Variants in DENND2A observed in about 807,000 individuals in gnomAD.
DENND2A encodes the protein DENN domain containing 2A, also known as DENN domain-containing protein 2A.
A neutral mutation model predicts 105.3 loss-of-function variants in DENND2A; 53 were observed. That is an observed-to-expected ratio of 0.50 (90% CI 0.40 to 0.63). The LOEUF is 0.63. Ranked by LOEUF, DENND2A falls within the 30% of genes least tolerant of loss-of-function variation. The probability of loss-of-function intolerance (pLI) is 0.00; values close to 1 mark genes in which losing one functional copy is unlikely to be tolerated. For synonymous variants in DENND2A, 522 were observed against 508.4 expected (o/e 1.03, Z -0.36); for missense variants, 1,138 against 1,279.6 (o/e 0.89, Z 1.69).
At chr7:140,619,665 A>G (rs917786376) in intron 1 of DENND2A, among the ~76,000 whole-genome samples, 5 of 151,810 alleles carry the variant, frequency 3.3e-5, no homozygotes, top group Admixed American at 6.6e-5. Flanking sequence ...ATGCCCAGCT[A>G]ATTTTTGTAT....
At chr7:140,575,302 G>T (rs1798255637) in intron 5 of DENND2A, among the ~76,000 whole-genome samples, 1 of 152,106 alleles carries the variant, frequency 6.6e-6, no homozygotes, top group South Asian at 2.1e-4. Flanking sequence ...TCAGAGATAA[G>T]AAAATTTGAT....
At chr7:140,591,673 CTT>C (rs1491448318) in intron 3 of DENND2A, among the ~76,000 whole-genome samples, 1 of 135,840 alleles carries the variant, frequency 7.4e-6, no homozygotes, top group East Asian at 2.0e-4. Context: ...CTTTCTTTCT[CTT>C]TCTTTCTTTC....
Position 140,573,947 on chromosome 7 carries a change from A to G in DENND2A, c.1307T>C (p.Leu436Pro), listed in dbSNP as rs200365236. 2.2e-4 allele frequency: 359 copies of G among 1,614,204 alleles called. 1 individual carries two copies. In the Admixed American group the frequency reaches 5.8e-3, roughly 26 times the overall value. Residue 436 changes from leucine to proline, a missense_variant, in exon 6 of 20, where the codon CTG (leucine) becomes CCG (proline). Transcript: ENST00000496613. ...QNSERRNFKL[L>P]DTRKLSRDGT... ...ATCCCGACTCAGCTTCCTAGTGTCC[A>G]GCAGCTTGAAGTTCCTCCTCTCTGA...
intron 18 of DENND2A, among the ~76,000 whole-genome samples, chr7:140,521,559 G>C (rs986380759): frequency 2.0e-5 from 3 of 152,232 alleles, no homozygotes; most frequent in Non-Finnish European, 4.4e-5. Context: ...TTATAGGCGT[G>C]AGTCACCCAC....
At chr7:140,624,603 T>C (rs867802543) in intron 1 of DENND2A, among the ~76,000 whole-genome samples, 2 of 152,260 alleles carry the variant, frequency 1.3e-5, no homozygotes, top group Middle Eastern at 3.4e-3. Flanking sequence ...CTCACCCTCC[T>C]TTCCATTGCC....
intron 6 of DENND2A, 94 bp from the exon 7 acceptor site, chr7:140,569,832 G>A: frequency 2.5e-6 from 2 of 801,812 alleles, no homozygotes; most frequent in East Asian, 2.4e-5. Context: ...GGACGATGGA[G>A]GGCCAGGGCC....
chr7:140,555,804 C>A, intron 11 of DENND2A, 91 bp from the exon 12 acceptor site: 1 of 1,035,756 alleles, frequency 9.7e-7, no homozygotes, highest in Non-Finnish European at 1.4e-6. Flanking sequence ...TATCATGTGC[C>A]AGATGTTTCC....
intron 5 of DENND2A, among the ~76,000 whole-genome samples, chr7:140,578,274 G>C (rs963886905): frequency 5.3e-5 from 8 of 152,128 alleles, no homozygotes; most frequent in African/African-American, 1.7e-4. Flanking sequence ...CATCAGAGGG[G>C]GCCAAGCTGG....
At position 140,637,130 on chromosome 7, in the gene DENND2A, G is replaced by A. The variant is rs565485863; in HGVS notation, c.-248+3374C>T. Among the ~76,000 whole-genome samples the A allele has an allele frequency of 2.7e-3, 402 of 147,208 alleles. 1 individual carries two copies. Among genetic ancestry groups the A allele is most frequent in the Non-Finnish European group, 3.9e-3 (256 of 65,704 alleles). ...CTCCCAAAGCGTTGGGATTACAGGC[G>A]TAGGCCACTGTGCCTGGCCAATTTC... On this transcript the variant is annotated intron_variant, in intron 1 of 19. Coordinates refer to ENST00000496613, the MANE Select transcript of DENND2A (RefSeq NM_015689.5).
intron 9 of DENND2A, 137 bp downstream of exon 9, chr7:140,566,949 T>G: frequency 2.8e-6 from 2 of 711,794 alleles, no homozygotes; most frequent in South Asian, 5.8e-5. Context: ...TCATCTGATA[T>G]ACCCTAATTA....
intron 5 of DENND2A, among the ~76,000 whole-genome samples, chr7:140,577,148 G>A (rs1471713791): frequency 6.6e-6 from 1 of 152,120 alleles, no homozygotes; most frequent in Non-Finnish European, 1.5e-5. Context: ...TGATGCGGTG[G>A]GATTTCAGTA....
intron 1 of DENND2A, among the ~76,000 whole-genome samples, chr7:140,637,288 A>G (rs1800981311): frequency 6.6e-6 from 1 of 152,242 alleles, no homozygotes; most frequent in Admixed American, 6.5e-5. Context: ...TTGGAGGGGT[A>G]GAATCCCACT....
chr7:140,618,130 A>G (rs368169335), intron 1 of DENND2A, among the ~76,000 whole-genome samples: 3 of 152,354 alleles, frequency 2.0e-5, no homozygotes, highest in African/African-American at 7.2e-5. Context: ...TTAATGCTCA[A>G]TAACTGCCAG....
rs1357602479 is a variant in DENND2A at position 140,640,747 on chromosome 7, CG to C, written c.-492del. 13 of 150,100 alleles carry C rather than the reference CG, an allele frequency of 8.7e-5. No homozygotes were observed. The highest frequency in any genetic ancestry group is 1.8e-4 in the Non-Finnish European group (12 of 67,398). The allele number at this position is 150,100 out of a possible 1,614,324, so 9.3% of individuals were successfully genotyped here. On this transcript the variant is annotated 5_prime_UTR_variant, in exon 1 of 20. Coordinates refer to ENST00000496613, the MANE Select transcript of DENND2A (RefSeq NM_015689.5). This position sits in a 1 kb window ranked among gnomAD's most constrained non-coding sequence, Gnocchi z 4.9. ...CCCGGCCCCAGCGGCGCGCTTCCCT[CG>C]GCCGGCCCAGCGCAGGCTCGCCCGC...
In DENND2A at chr7:140,527,534, G is replaced by A. The variant is rs911092450; in HGVS notation, c.2328-39C>T. ...GAGAACAGGGAGAGAGGCCGACTCA[G>A]CGAGGGCCCGAGGAAGCCTCCAGGG... On this transcript the variant is annotated intron_variant, in intron 14 of 19. Transcript: ENST00000496613. This position sits in a 1 kb window ranked among gnomAD's most constrained non-coding sequence, Gnocchi z 4.9. 5 of 1,549,844 alleles carry A rather than the reference G, an allele frequency of 3.2e-6. No individual in the cohort carries two copies. In the African/African-American group the frequency reaches 5.4e-5, roughly 17 times the overall value.
chr7:140,532,193 C>T (rs1475776301), intron 14 of DENND2A, among the ~76,000 whole-genome samples: 3 of 152,118 alleles, frequency 2.0e-5, no homozygotes, highest in Non-Finnish European at 4.4e-5. Context: ...CGCTTGAATC[C>T]GAGAGGCAGA....
rs192618271 is a variant in DENND2A, at chr7:140,633,275, G to A, written c.-248+7229C>T. Among the ~76,000 whole-genome samples, 1,331 of 151,872 alleles carry A rather than the reference G, an allele frequency of 8.8e-3. 17 individuals carry two copies. Among genetic ancestry groups the A allele is most frequent in the African/African-American group, 0.029 (1,209 of 41,416 alleles). ...CATCTCCTGACCTCGTGATCCACCCGCCTCAGCTTCCCAAAGTGCTGGGAT... is the reference window on the plus strand; with the variant it reads ...CATCTCCTGACCTCGTGATCCACCCACCTCAGCTTCCCAAAGTGCTGGGAT... On this transcript the variant is annotated intron_variant, in intron 1 of 19. Coordinates refer to ENST00000496613, the MANE Select transcript of DENND2A (RefSeq NM_015689.5).
In DENND2A at chr7:140,527,241, T is replaced by C. The variant is rs934208426; in HGVS notation, c.2505+77A>G. The C allele has an allele frequency of 7.0e-7, 1 of 1,422,054 alleles. No homozygotes were observed. Among genetic ancestry groups the C allele is most frequent in the African/African-American group, 1.4e-5 (1 of 70,064 alleles). 88.1% of individuals were successfully genotyped at this position (1,422,054 alleles called of 1,614,324 possible). A position where few individuals can be genotyped will look rare whatever the true frequency, so the allele number is the denominator to read the frequency against. On this transcript the variant is annotated intron_variant, in intron 15 of 19. Transcript: ENST00000496613. This position sits in a 1 kb window ranked among gnomAD's most constrained non-coding sequence, Gnocchi z 4.9. ...ACTGCTGGCTCTGAGAACCGCTCCATGATGCCTGCAGAGCCAGCGCCCCGC... is the reference window on the plus strand; with the variant it reads ...ACTGCTGGCTCTGAGAACCGCTCCACGATGCCTGCAGAGCCAGCGCCCCGC...
intron 12 of DENND2A, 116 bp downstream of exon 12, chr7:140,555,520 G>C (rs543888721): frequency 1.5e-5 from 13 of 854,850 alleles, no homozygotes; most frequent in Non-Finnish European, 2.4e-5. Context: ...GAAATGGGAA[G>C]GGAAGTAGGT....
Sources: gnomAD v4.1 joint callset for allele counts (sites outside exome capture counted in the v4.1 genomes callset) on GRCh38, gnomAD v4.1.1 for gene constraint, Gnocchi (gnomAD v3.1) non-coding constraint, MANE v1.5 for transcripts, NCBI Gene and HGNC (gene_info 2026-07-23, HGNC 2026-07-21) for gene names.